SLC9A9: variants seen among roughly 807,000 people sequenced by gnomAD.
SLC9A9 encodes solute carrier family 9 member A9, also known as sodium/hydrogen exchanger 9.
A neutral mutation model predicts 77.8 loss-of-function variants in SLC9A9; 62 were observed. The observed-to-expected ratio is 0.80, with a 90% confidence interval of 0.65 to 0.98. The LOEUF (loss-of-function observed/expected upper bound fraction) is 0.98, where lower values mean the gene tolerates loss of function less well. Ranked by LOEUF, SLC9A9 falls within the 50% of genes least tolerant of loss-of-function variation. The probability of loss-of-function intolerance (pLI) is 0.00; values close to 1 mark genes in which losing one functional copy is unlikely to be tolerated. For missense variants in SLC9A9, 775 were observed against 774.9 expected, an observed-to-expected ratio of 1.00 and a Z score of 0.00; for synonymous variants, 320 against 283.5, an observed-to-expected ratio of 1.13 and a Z score of -1.29.
intron 12 of SLC9A9, among the ~76,000 whole-genome samples, chr3:143,408,863 C>T (rs1026422759): frequency 6.6e-6 from 1 of 152,082 alleles, no homozygotes; most frequent in African/African-American, 2.4e-5. Context: ...GGCCATTTTG[C>T]CATCATTTTA....
chr3:143,777,659 G>A (rs1004448946), intron 4 of SLC9A9, among the ~76,000 whole-genome samples: 1 of 151,440 alleles, frequency 6.6e-6, no homozygotes, highest in South Asian at 2.1e-4. Context: ...CTGTGGTGAA[G>A]AGGCATTAAT....
At chr3:143,280,597 T>C (rs1938188052) in intron 14 of SLC9A9, among the ~76,000 whole-genome samples, 1 of 149,366 alleles carries the variant, frequency 6.7e-6, no homozygotes, top group Admixed American at 6.7e-5. Context: ...TTGCCCAGGC[T>C]GGCGAGTGCA....
intron 4 of SLC9A9, among the ~76,000 whole-genome samples, chr3:143,768,015 C>T (rs2007380843): frequency 6.6e-6 from 1 of 152,148 alleles, no homozygotes; most frequent in Non-Finnish European, 1.5e-5. Context: ...TAGATGACAG[C>T]TATTGAGATG....
chr3:143,362,869 A>G (rs998687633), intron 14 of SLC9A9, among the ~76,000 whole-genome samples: 1 of 152,206 alleles, frequency 6.6e-6, no homozygotes, highest in African/African-American at 2.4e-5. Context: ...CTGAGCTACT[A>G]TGTTTACAGT....
chr3:143,739,451 G>A (rs1355925389), intron 4 of SLC9A9, among the ~76,000 whole-genome samples: 1 of 152,190 alleles, frequency 6.6e-6, no homozygotes, highest in Non-Finnish European at 1.5e-5. Flanking sequence ...TGTTAGCGCT[G>A]AGGTTTGTGT....
At chr3:143,633,170 G>A (rs73152833) in intron 6 of SLC9A9, among the ~76,000 whole-genome samples, 18,779 of 152,178 alleles carry the variant, frequency 0.12, 1,473 homozygotes, top group Non-Finnish European at 0.18. Flanking sequence ...CTAGTTATAG[G>A]TGATCAGGAT....
intron 4 of SLC9A9, among the ~76,000 whole-genome samples, chr3:143,771,377 A>G (rs1183349249): frequency 2.0e-5 from 3 of 152,166 alleles, no homozygotes; most frequent in East Asian, 3.9e-4. Flanking sequence ...TCATGATTCA[A>G]CTGTGTATAG....
intron 12 of SLC9A9, among the ~76,000 whole-genome samples, chr3:143,451,761 T>C (rs1322623387): frequency 6.6e-6 from 1 of 152,150 alleles, no homozygotes; most frequent in Non-Finnish European, 1.5e-5. Flanking sequence ...TATGAACATA[T>C]ATGGAGGATA....
chr3:143,573,547 G>C (rs1231288341), intron 8 of SLC9A9, among the ~76,000 whole-genome samples: 1 of 152,094 alleles, frequency 6.6e-6, no homozygotes, highest in African/African-American at 2.4e-5. Flanking sequence ...CCACCTTAGA[G>C]GACTCTCTCT....
chr3:143,773,741 C>A (rs1251643120), intron 4 of SLC9A9, among the ~76,000 whole-genome samples: 1 of 152,138 alleles, frequency 6.6e-6, no homozygotes, highest in Non-Finnish European at 1.5e-5. Flanking sequence ...ACCTCGGCCT[C>A]CCAAAGTTCT....
intron 6 of SLC9A9, among the ~76,000 whole-genome samples, chr3:143,638,381 A>G (rs2108734995): frequency 6.6e-6 from 1 of 152,344 alleles, no homozygotes; most frequent in East Asian, 1.9e-4. Flanking sequence ...CATGATTCTG[A>G]TATTGCAGGA....
intron 14 of SLC9A9, among the ~76,000 whole-genome samples, chr3:143,324,804 A>G (rs1437077563): frequency 6.6e-6 from 1 of 152,188 alleles, no homozygotes; most frequent in Non-Finnish European, 1.5e-5. Flanking sequence ...CCTGGGCGAT[A>G]GAGGAAACCC....
intron 11 of SLC9A9, among the ~76,000 whole-genome samples, chr3:143,469,058 G>A (rs1448415941): frequency 6.6e-6 from 1 of 152,208 alleles, no homozygotes; most frequent in Admixed American, 6.5e-5. Flanking sequence ...TACTTGGGAG[G>A]CTGAAGCAGG....
At chr3:143,430,965 A>C (rs921144307) in intron 12 of SLC9A9, among the ~76,000 whole-genome samples, 1 of 152,230 alleles carries the variant, frequency 6.6e-6, no homozygotes, top group African/African-American at 2.4e-5. Context: ...CCATTACAAC[A>C]AGGATGACAA....
chr3:143,600,586 G>T (rs1393173818), intron 6 of SLC9A9, among the ~76,000 whole-genome samples: 1 of 152,198 alleles, frequency 6.6e-6, no homozygotes, highest in Non-Finnish European at 1.5e-5. Context: ...GATCTGCAGA[G>T]ATTGGTGACA....
chr3:143,789,103 T>A (rs1020457394), intron 4 of SLC9A9, among the ~76,000 whole-genome samples: 2 of 152,200 alleles, frequency 1.3e-5, no homozygotes, highest in African/African-American at 4.8e-5. Context: ...CACTGTTAGG[T>A]ATAGATACAA....
At chr3:143,534,875 C>T (rs1316656252) in intron 9 of SLC9A9, among the ~76,000 whole-genome samples, 1 of 150,022 alleles carries the variant, frequency 6.7e-6, no homozygotes, top group Non-Finnish European at 1.5e-5. Flanking sequence ...ATACACCTAA[C>T]ATTTTGCTTT....
intron 6 of SLC9A9, among the ~76,000 whole-genome samples, chr3:143,636,427 C>A (rs768577948): frequency 2.0e-5 from 3 of 152,034 alleles, no homozygotes; most frequent in Admixed American, 6.6e-5. Flanking sequence ...CAATCATATC[C>A]GCTCATCTAT....
chr3:143,381,850 G>T (rs1576460421), intron 13 of SLC9A9: 3 of 591,708 alleles, frequency 5.1e-6, no homozygotes. Context: ...AGAGAGGCTT[G>T]CAAGTACATG....
Sources: gnomAD v4.1 joint callset for allele counts (sites outside exome capture counted in the v4.1 genomes callset) on GRCh38, gnomAD v4.1.1 for gene constraint, MANE v1.5 for transcripts, NCBI Gene and HGNC (gene_info 2026-07-23, HGNC 2026-07-21) for gene names.